Variants in MAPDA observed in about 807,000 individuals in gnomAD.
MAPDA encodes N6-Methyl-AMP deaminase.
chr15:43,331,771 A>G, the MAPDA span: 2 of 152,190 alleles, frequency 1.3e-5, no homozygotes, highest in Non-Finnish European at 2.9e-5. Context: ...AGTGAATAGG[A>G]GGTGAGTTAA....
chr15:43,346,798 T>C, the MAPDA span, among the ~76,000 whole-genome samples: 1 of 152,236 alleles, frequency 6.6e-6, no homozygotes, highest in Admixed American at 6.5e-5. Flanking sequence ...AGTTTACTGA[T>C]ACTAGACAAG....
the MAPDA span, chr15:43,351,937 C>T: frequency 6.5e-7 from 1 of 1,550,062 alleles, no homozygotes; most frequent in Non-Finnish European, 8.7e-7. Flanking sequence ...CAGAGTGTTA[C>T]ATATTTAAGC....
chr15:43,332,338 T>A, the MAPDA span: 1 of 151,836 alleles, frequency 6.6e-6, no homozygotes. Flanking sequence ...AAAATGAGAT[T>A]AAGTACTGCT....
the MAPDA span, among the ~76,000 whole-genome samples, chr15:43,334,527 C>T: frequency 6.7e-6 from 1 of 149,812 alleles, no homozygotes; most frequent in African/African-American, 2.4e-5. Context: ...ACTTGGGAAG[C>T]TGAGGCAGGA....
the MAPDA span, chr15:43,349,299 G>A: frequency 2.1e-5 from 25 of 1,202,232 alleles, no homozygotes; most frequent in Non-Finnish European, 2.6e-5. Flanking sequence ...AACTCAATAA[G>A]AATTTTTTAA....
the MAPDA span, among the ~76,000 whole-genome samples, chr15:43,346,186 GAAAA>G: frequency 1.3e-5 from 2 of 150,170 alleles, no homozygotes; most frequent in Admixed American, 1.3e-4. Context: ...TACCCTAAAA[GAAAA>G]AAAAAGAGTT....
the MAPDA span, among the ~76,000 whole-genome samples, chr15:43,338,604 G>A: frequency 6.6e-6 from 1 of 152,190 alleles, no homozygotes; most frequent in South Asian, 2.1e-4. Context: ...GAGTAAGTAG[G>A]AACTTAACTA....
At chr15:43,349,043 T>C in the MAPDA span, 9 of 1,614,044 alleles carry the variant, frequency 5.6e-6, no homozygotes, top group South Asian at 9.9e-5. Flanking sequence ...CGGATACCAC[T>C]GGGTAAGGCT....
the MAPDA span, chr15:43,335,193 C>A: frequency 1.2e-6 from 2 of 1,610,018 alleles, no homozygotes; most frequent in East Asian, 4.5e-5. Context: ...CTACAGAAAT[C>A]TTGAGTGGTT....
chr15:43,353,618 TTC>T, the MAPDA span: 3 of 152,172 alleles, frequency 2.0e-5, no homozygotes, highest in African/African-American at 7.2e-5. Context: ...AGTTGGGACT[TTC>T]AGTCCTCCCC....
chr15:43,351,401 G>T, the MAPDA span: 1 of 320,960 alleles, frequency 3.1e-6, no homozygotes, highest in Non-Finnish European at 5.6e-6. Flanking sequence ...TGGCTCTCTA[G>T]CAAAAGGTAC....
the MAPDA span, among the ~76,000 whole-genome samples, chr15:43,337,810 G>A: frequency 1.3e-5 from 2 of 152,188 alleles, no homozygotes; most frequent in Admixed American, 1.3e-4. Context: ...CAATGTTCCA[G>A]GCACTGTGCT....
At chr15:43,340,000 G>A in the MAPDA span, among the ~76,000 whole-genome samples, 1 of 152,280 alleles carries the variant, frequency 6.6e-6, no homozygotes, top group Non-Finnish European at 1.5e-5. Context: ...GTTTAAAAGG[G>A]GGAAAAGAAG....
At chr15:43,336,939 A>C in the MAPDA span, among the ~76,000 whole-genome samples, 1 of 152,152 alleles carries the variant, frequency 6.6e-6, no homozygotes, top group African/African-American at 2.4e-5. Context: ...ATGGAAGAGA[A>C]AATTTGGTCC....
At chr15:43,334,969 A>G in the MAPDA span, 4 of 684,410 alleles carry the variant, frequency 5.8e-6, no homozygotes, top group African/African-American at 3.8e-5. Context: ...AGATCTACAC[A>G]TACAGCTAAT....
the MAPDA span, among the ~76,000 whole-genome samples, chr15:43,334,633 T>TAA: frequency 1.5e-4 from 10 of 65,138 alleles, no homozygotes; most frequent in Non-Finnish European, 3.3e-4. Context: ...CTCAAAAAAA[T>TAA]TATATATATA....
At chr15:43,335,738 A>G in the MAPDA span, 1 of 1,613,930 alleles carries the variant, frequency 6.2e-7, no homozygotes, top group East Asian at 2.2e-5. Context: ...TTCTCATACC[A>G]TGAAGAAATT....
chr15:43,337,519 G>A, the MAPDA span, among the ~76,000 whole-genome samples: 5 of 152,164 alleles, frequency 3.3e-5, no homozygotes, highest in African/African-American at 9.7e-5. Context: ...GTCTGACATG[G>A]AAGATTGTCT....
chr15:43,351,319 T>G, the MAPDA span: 1 of 311,016 alleles, frequency 3.2e-6, no homozygotes, highest in Non-Finnish European at 5.8e-6. Flanking sequence ...AGAGTGAAAC[T>G]CCATCTCACA....
Sources: gnomAD v4.1 joint callset for allele counts (sites outside exome capture counted in the v4.1 genomes callset) on GRCh38, gnomAD v4.1.1 for gene constraint, MANE v1.5 for transcripts, NCBI Gene and HGNC (gene_info 2026-07-23, HGNC 2026-07-21) for gene names.